Variants in MDGA1 observed in about 807,000 individuals in gnomAD.
MDGA1 encodes the protein MAM domain-containing glycosylphosphatidylinositol anchor protein 1.
A neutral mutation model predicts 101.5 loss-of-function variants in MDGA1; 54 were observed. That is an observed-to-expected ratio of 0.53 (90% CI 0.43 to 0.67). The LOEUF is 0.67. Ranked by LOEUF, MDGA1 falls within the 30% of genes least tolerant of loss-of-function variation. The pLI, the probability that MDGA1 is intolerant of heterozygous loss-of-function variation, is 0.00. For synonymous variants in MDGA1, 533 were observed against 558.3 expected (o/e 0.95, Z 0.64); for missense variants, 1,083 against 1,323.8 (o/e 0.82, Z 2.82).
chr6:37,656,553 T>C (rs549795808), intron 3 of MDGA1, among the ~76,000 whole-genome samples: 3 of 151,972 alleles, frequency 2.0e-5, no homozygotes, highest in African/African-American at 7.2e-5. Context: ...TTGTATTTTT[T>C]GTACAGACAG....
At chr6:37,688,067 C>G (rs1762235100) in intron 1 of MDGA1, among the ~76,000 whole-genome samples, 1 of 152,098 alleles carries the variant, frequency 6.6e-6, no homozygotes, top group South Asian at 2.1e-4. Flanking sequence ...GTTTTTTTCC[C>G]AAGACTCCAG....
intron 7 of MDGA1, among the ~76,000 whole-genome samples, chr6:37,651,614 G>GC (rs1761361064): frequency 6.6e-6 from 1 of 151,336 alleles, no homozygotes. Context: ...CCCTGCTCTA[G>GC]TTCTACTAAG....
At chr6:37,637,646 G>A (rs1183934210) in intron 16 of MDGA1, among the ~76,000 whole-genome samples, 187 bp from the exon 17 acceptor site, 1 of 152,110 alleles carries the variant, frequency 6.6e-6, no homozygotes, top group Non-Finnish European at 1.5e-5. Context: ...TGGGGTGGGG[G>A]TTAGCTCAGC....
chr6:37,652,161 G>A lies in MDGA1; in HGVS notation c.1162C>T (p.Arg388Cys), dbSNP rs772834863. The change falls in exon 7 of 17, where the codon CGC (arginine) becomes TGC (cysteine). Residue 388 changes from arginine to cysteine, a missense_variant. Coordinates refer to ENST00000434837, the MANE Select transcript of MDGA1 (RefSeq NM_153487.4). This position sits in a 1 kb window ranked among gnomAD's most constrained non-coding sequence, Gnocchi z 4.3. ...ARMSKRLLVT[R>C]NDPELPAVTS... ...ACTGCGGGCAGCTCAGGATCATTGC[G>A]GGTCACCAGCAGCCGCTTGGACATG... 20 of 1,613,844 alleles carry A rather than the reference G, an allele frequency of 1.2e-5. No individual in the cohort carries two copies. Among genetic ancestry groups the A allele is most frequent in the African/African-American group, 6.7e-5 (5 of 74,936 alleles).
At chr6:37,686,564 T>G (rs974707748) in intron 1 of MDGA1, among the ~76,000 whole-genome samples, 1 of 151,922 alleles carries the variant, frequency 6.6e-6, no homozygotes, top group African/African-American at 2.4e-5. Context: ...GTAGCTGGGA[T>G]TACAGGTGTC....
At chr6:37,647,958 T>G (rs966241338) in intron 9 of MDGA1, among the ~76,000 whole-genome samples, 15 of 152,144 alleles carry the variant, frequency 9.9e-5, no homozygotes, top group Non-Finnish European at 2.2e-4. Flanking sequence ...TGCCACTGAA[T>G]GGGGGACAGA....
At position 37,638,440 on chromosome 6, in the gene MDGA1, C is replaced by T; in HGVS notation, c.2667+97G>A. 1 of 1,576,432 alleles carries T rather than the reference C, an allele frequency of 6.3e-7. No individual in the cohort carries two copies. The highest frequency in any genetic ancestry group is 8.6e-7 in the Non-Finnish European group (1 of 1,156,596). On this transcript the variant is annotated intron_variant, in intron 15 of 16. Transcript: ENST00000434837. This position sits in a 1 kb window ranked among gnomAD's most constrained non-coding sequence, Gnocchi z 4.8. ...TCCCCCTAACCTGACTCTTTCCATC[C>T]TTAGCCCCCAGGAAGAAGGACAAGG...
rs971772796 is a variant in MDGA1, at chr6:37,637,112, A to C, written c.*256T>G. The C allele has an allele frequency of 2.5e-6, 1 of 400,260 alleles. No homozygotes were observed. The highest frequency in any genetic ancestry group is 5.5e-5 in the South Asian group (1 of 18,060). The allele number at this position is 400,260 out of a possible 1,614,324, so 24.8% of individuals were successfully genotyped here. On this transcript the variant is annotated 3_prime_UTR_variant, in exon 17 of 17. Coordinates refer to ENST00000434837, the MANE Select transcript of MDGA1 (RefSeq NM_153487.4). ...AGAAGGTGCTGGCAGGTCAGATAGA[A>C]ACTTGTGCTTTAATATATCTCTGTG...
intron 16 of MDGA1, 42 bp from the exon 17 acceptor site, chr6:37,637,501 C>G: frequency 6.4e-7 from 1 of 1,551,672 alleles, no homozygotes; most frequent in Non-Finnish European, 8.9e-7. Context: ...GGGCTCTGGT[C>G]AGCTCTGGCA....
intron 1 of MDGA1, among the ~76,000 whole-genome samples, chr6:37,688,867 C>A (rs1364244571): frequency 6.6e-6 from 1 of 152,240 alleles, no homozygotes; most frequent in African/African-American, 2.4e-5. Flanking sequence ...GGCTGCCCAC[C>A]TGGCCCTCCA....
chr6:37,687,186 T>G (rs916366369), intron 1 of MDGA1, among the ~76,000 whole-genome samples: 2 of 152,056 alleles, frequency 1.3e-5, no homozygotes, highest in Non-Finnish European at 2.9e-5. Context: ...GTGAGCTCCT[T>G]GGGGACAGAT....
At chr6:37,669,098 G>A (rs751345784) in intron 1 of MDGA1, among the ~76,000 whole-genome samples, 3 of 152,006 alleles carry the variant, frequency 2.0e-5, no homozygotes, top group East Asian at 1.9e-4. Flanking sequence ...CACCCTCCTC[G>A]GCCTCCCAAA....
intron 2 of MDGA1, among the ~76,000 whole-genome samples, chr6:37,660,535 A>G (rs1315066810): frequency 6.6e-6 from 1 of 152,142 alleles, no homozygotes; most frequent in Non-Finnish European, 1.5e-5. Context: ...TCTCTAGGGT[A>G]CTGAGGCCAA....
chr6:37,639,824 T>C (rs2113996094), intron 14 of MDGA1: 2 of 152,326 alleles, frequency 1.3e-5, no homozygotes, highest in South Asian at 4.1e-4. Context: ...GGTGCTCAAT[T>C]AGTTAAGTGA....
At chr6:37,665,807 A>C (rs9470657) in intron 1 of MDGA1, among the ~76,000 whole-genome samples, 10,873 of 152,228 alleles carry the variant, frequency 0.071, 696 homozygotes, top group African/African-American at 0.18. Context: ...CGTTGTCTGC[A>C]CCCCAAAGTG....
chr6:37,642,154 T>C (rs1474120003), intron 14 of MDGA1, among the ~76,000 whole-genome samples: 3 of 146,070 alleles, frequency 2.1e-5, no homozygotes, highest in African/African-American at 7.5e-5. Flanking sequence ...TATGTATATA[T>C]ATATATATAT....
chr6:37,677,042 A>G (rs907486111), intron 1 of MDGA1, among the ~76,000 whole-genome samples: 2 of 152,226 alleles, frequency 1.3e-5, no homozygotes, highest in African/African-American at 4.8e-5. Flanking sequence ...TGTCTTATTA[A>G]GTGAGATGAC....
chr6:37,658,829 G>A (rs912724238), intron 2 of MDGA1, among the ~76,000 whole-genome samples: 3 of 151,966 alleles, frequency 2.0e-5, no homozygotes, highest in African/African-American at 7.3e-5. Context: ...AAATTAGCCG[G>A]GCGTTATGGC....
intron 1 of MDGA1, among the ~76,000 whole-genome samples, chr6:37,678,654 A>C (rs1762030639): frequency 6.7e-6 from 1 of 149,336 alleles, no homozygotes; most frequent in Non-Finnish European, 1.5e-5. Flanking sequence ...GCCCCTTCCC[A>C]CCTCAGGGCC....
Sources: allele counts gnomAD v4.1 joint callset (sites outside exome capture counted in the v4.1 genomes callset), GRCh38; gene constraint gnomAD v4.1.1; non-coding constraint Gnocchi (gnomAD v3.1); transcripts MANE v1.5; gene names NCBI Gene and HGNC (gene_info 2026-07-23, HGNC 2026-07-21).